Variants in THSD7A observed in about 807,000 individuals in gnomAD.
The protein encoded by THSD7A is thrombospondin type 1 domain containing 7A.
Under a neutral mutation model 231.3 loss-of-function variants are expected in THSD7A, and 96 were observed. The ratio of observed to expected loss-of-function variants is 0.41; its 90% CI spans 0.35 to 0.49. The LOEUF (loss-of-function observed/expected upper bound fraction) is 0.49, where lower values mean the gene tolerates loss of function less well. THSD7A is among the 20% of genes least tolerant of loss of function. The pLI is 0.05. For synonymous variants in THSD7A, 940 were observed against 743.3 expected (o/e 1.26, Z -4.30); for missense variants, 2,290 against 2,070.2 (o/e 1.11, Z -2.06).
intron 13 of THSD7A, among the ~76,000 whole-genome samples, chr7:11,443,443 C>T (rs1229224816): frequency 6.6e-6 from 1 of 151,862 alleles, no homozygotes; most frequent in Non-Finnish European, 1.5e-5. Flanking sequence ...TGAGATGTTT[C>T]TCAAAGTACA....
At chr7:11,454,322 G>T (rs961300457) in intron 11 of THSD7A, among the ~76,000 whole-genome samples, 12 of 151,424 alleles carry the variant, frequency 7.9e-5, no homozygotes, top group Admixed American at 6.6e-4. Flanking sequence ...AAATTTCCTG[G>T]AATATAACAT....
chr7:11,570,916 T>A (rs137890065), intron 4 of THSD7A, among the ~76,000 whole-genome samples: 50 of 152,310 alleles, frequency 3.3e-4, no homozygotes, highest in African/African-American at 1.2e-3. Flanking sequence ...GTATGTGGTA[T>A]CATATGTATT....
chr7:11,757,494 G>T (rs1172646971), intron 1 of THSD7A, among the ~76,000 whole-genome samples: 1 of 151,996 alleles, frequency 6.6e-6, no homozygotes, highest in Non-Finnish European at 1.5e-5. Flanking sequence ...GTGAGGAACT[G>T]CCTCACCCAA....
chr7:11,648,775 T>TA (rs1782384022), intron 1 of THSD7A, among the ~76,000 whole-genome samples: 1 of 151,932 alleles, frequency 6.6e-6, no homozygotes, highest in African/African-American at 2.4e-5. Flanking sequence ...CTATTAGGGG[T>TA]AGCCAGAGAC....
intron 1 of THSD7A, among the ~76,000 whole-genome samples, chr7:11,789,991 G>T (rs577982561): frequency 2.0e-5 from 3 of 151,976 alleles, no homozygotes; most frequent in African/African-American, 7.2e-5. Context: ...GTACCAAAAA[G>T]TTATAAAAAT....
At chr7:11,720,480 T>A (rs1327156491) in intron 1 of THSD7A, among the ~76,000 whole-genome samples, 2 of 151,780 alleles carry the variant, frequency 1.3e-5, no homozygotes, top group Non-Finnish European at 2.9e-5. Context: ...CTCCTTTCCA[T>A]CAGCCTTTAA....
At position 11,375,008 on chromosome 7, in the gene THSD7A, A is replaced by G. The variant is rs2115278857; in HGVS notation, c.*786T>C. ...AATATAGTGCAAAAATGTGCCTTCC[A>G]TATAGCAAAAAAGATGCAGGCAACC... On this transcript the variant is annotated 3_prime_UTR_variant, in exon 28 of 28. Transcript: ENST00000423059. 6.6e-6 allele frequency: 1 copy of G among 152,224 alleles called. No homozygotes were observed. The highest frequency in any genetic ancestry group is 2.1e-4 in the South Asian group (1 of 4,828). The allele number at this position is 152,224 out of a possible 1,614,324, so 9.4% of individuals were successfully genotyped here.
chr7:11,475,674 C>G (rs942150024), intron 7 of THSD7A, among the ~76,000 whole-genome samples: 1 of 149,192 alleles, frequency 6.7e-6, no homozygotes, highest in Non-Finnish European at 1.5e-5. Flanking sequence ...TCAAATTTTT[C>G]TAGGGAATAT....
At chr7:11,746,511 A>G (rs747889097) in intron 1 of THSD7A, among the ~76,000 whole-genome samples, 8 of 151,820 alleles carry the variant, frequency 5.3e-5, no homozygotes, top group Non-Finnish European at 1.0e-4. Context: ...CATGACCTCG[A>G]CATGTTTTGA....
chr7:11,619,516 C>T (rs1030502600), intron 2 of THSD7A, among the ~76,000 whole-genome samples: 14 of 151,840 alleles, frequency 9.2e-5, no homozygotes, highest in African/African-American at 3.4e-4. Flanking sequence ...TCAAGAAATC[C>T]TCCTGCCAAA....
At chr7:11,599,433 T>G (rs1562758601) in intron 2 of THSD7A, among the ~76,000 whole-genome samples, 2 of 152,232 alleles carry the variant, frequency 1.3e-5, no homozygotes, top group South Asian at 2.1e-4. Context: ...GTCATCAGTA[T>G]TTCCTCCTTC....
At chr7:11,396,712 C>T (rs1783201292) in intron 23 of THSD7A, among the ~76,000 whole-genome samples, 1 of 152,190 alleles carries the variant, frequency 6.6e-6, no homozygotes, top group African/African-American at 2.4e-5. Context: ...CAAAGAGGAG[C>T]TGGTACCATT....
intron 11 of THSD7A, among the ~76,000 whole-genome samples, chr7:11,450,821 T>C (rs1198705214): frequency 1.3e-5 from 2 of 151,996 alleles, no homozygotes; most frequent in Non-Finnish European, 2.9e-5. Context: ...GCTGAAGCAT[T>C]GTTAGCAAGA....
chr7:11,824,075 T>C (rs1171986417), intron 1 of THSD7A, among the ~76,000 whole-genome samples: 1 of 152,074 alleles, frequency 6.6e-6, no homozygotes, highest in Non-Finnish European at 1.5e-5. Flanking sequence ...TTTTAAACTA[T>C]CAGTGTAAAG....
intron 1 of THSD7A, among the ~76,000 whole-genome samples, chr7:11,826,090 A>G (rs2128188381): frequency 6.6e-6 from 1 of 152,334 alleles, no homozygotes; most frequent in African/African-American, 2.4e-5. Context: ...AAAAGATAAC[A>G]TTGTTTTTAT....
intron 6 of THSD7A, among the ~76,000 whole-genome samples, chr7:11,525,018 C>T (rs568365613): frequency 2.0e-4 from 31 of 152,340 alleles, no homozygotes; most frequent in Middle Eastern, 6.8e-3. Context: ...ATGAAAGGCA[C>T]GTTCTTCATA....
intron 6 of THSD7A, among the ~76,000 whole-genome samples, chr7:11,497,767 T>C (rs1232354618): frequency 6.6e-6 from 1 of 152,014 alleles, no homozygotes; most frequent in Non-Finnish European, 1.5e-5. Flanking sequence ...AACTTCCAGG[T>C]ACTTGCATTG....
intron 11 of THSD7A, among the ~76,000 whole-genome samples, chr7:11,453,669 T>G (rs1483720887): frequency 6.6e-6 from 1 of 151,984 alleles, no homozygotes; most frequent in African/African-American, 2.4e-5. Context: ...ATTATCAACA[T>G]GAAGATTGAG....
chr7:11,376,685 T>A, intron 26 of THSD7A, 28 bp from the exon 27 acceptor site: 2 of 1,512,012 alleles, frequency 1.3e-6, no homozygotes, highest in Non-Finnish European at 1.8e-6. Flanking sequence ...TAGTTATTAA[T>A]TTACATTAGT....
Sources: allele counts gnomAD v4.1 joint callset (sites outside exome capture counted in the v4.1 genomes callset), GRCh38; gene constraint gnomAD v4.1.1; transcripts MANE v1.5; gene names NCBI Gene and HGNC (gene_info 2026-07-23, HGNC 2026-07-21).